PSMD11: variants seen among roughly 807,000 people sequenced by gnomAD.
The protein encoded by PSMD11 is 26S proteasome non-ATPase regulatory subunit 11.
A neutral mutation model predicts 62.3 loss-of-function variants in PSMD11; 5 were observed. The ratio of observed to expected loss-of-function variants is 0.08; its 90% CI spans 0.04 to 0.17. The LOEUF (loss-of-function observed/expected upper bound fraction) is 0.17. PSMD11 is among the 10% of genes least tolerant of loss of function. The pLI is 1.00. For synonymous variants in PSMD11, 191 were observed against 191.8 expected (o/e 1.00, Z 0.03); for missense variants, 310 against 512.9 (o/e 0.60, Z 3.82).
chr17:32,466,523 A>T (rs765706313), intron 5 of PSMD11, among the ~76,000 whole-genome samples: 1 of 152,220 alleles, frequency 6.6e-6, no homozygotes, highest in Non-Finnish European at 1.5e-5. Context: ...TTGCTGAATA[A>T]TAGTCAATTG....
At chr17:32,472,561 G>A (rs1373831040) in intron 6 of PSMD11, among the ~76,000 whole-genome samples, 1 of 147,206 alleles carries the variant, frequency 6.8e-6, no homozygotes, top group Non-Finnish European at 1.5e-5. Flanking sequence ...TTTTTAAGAC[G>A]GAGTCTCACT....
chr17:32,468,920 T>G, intron 5 of PSMD11, 79 bp from the exon 6 acceptor site: 27 of 1,243,522 alleles, frequency 2.2e-5, no homozygotes, highest in East Asian at 5.1e-5. Context: ...TAATCCTGAG[T>G]GTTATGAGGG....
intron 3 of PSMD11, among the ~76,000 whole-genome samples, chr17:32,456,076 G>A (rs1293033399): frequency 6.7e-6 from 1 of 150,008 alleles, no homozygotes; most frequent in African/African-American, 2.5e-5. Flanking sequence ...CCCGGGAGGC[G>A]GAGCTTGCAG....
chr17:32,461,276 A>C (rs574304738), intron 3 of PSMD11, among the ~76,000 whole-genome samples: 1 of 152,046 alleles, frequency 6.6e-6, no homozygotes, highest in East Asian at 1.9e-4. Context: ...ATGGGGTTTC[A>C]CTGTGTTGGC....
chr17:32,474,126 T>C (rs1908252079), intron 7 of PSMD11, 181 bp downstream of exon 7: 3 of 636,860 alleles, frequency 4.7e-6, no homozygotes, highest in Non-Finnish European at 8.1e-6. Flanking sequence ...TTTCGCTTGC[T>C]AGTCTTTCAG....
chr17:32,453,494 A>G (rs1907564161), intron 2 of PSMD11, among the ~76,000 whole-genome samples: 1 of 152,140 alleles, frequency 6.6e-6, no homozygotes. Context: ...TCTACTCTAT[A>G]TCAAGTTCTT....
chr17:32,473,688 A>T, intron 6 of PSMD11, 113 bp from the exon 7 acceptor site: 1 of 1,040,032 alleles, frequency 9.6e-7, no homozygotes, highest in Non-Finnish European at 1.4e-6. Flanking sequence ...GTGTGGATTT[A>T]CAGGTGTGAG....
intron 3 of PSMD11, among the ~76,000 whole-genome samples, chr17:32,456,007 G>A (rs995300642): frequency 1.3e-5 from 2 of 151,878 alleles, no homozygotes; most frequent in African/African-American, 4.8e-5. Context: ...AGCCAGGTGT[G>A]GTGGTGGGCG....
chr17:32,461,309 C>T (rs1425069030), intron 3 of PSMD11, among the ~76,000 whole-genome samples: 1 of 152,152 alleles, frequency 6.6e-6, no homozygotes, highest in Non-Finnish European at 1.5e-5. Flanking sequence ...GAACCCCTGA[C>T]CTCGTGATCC....
chr17:32,456,922 C>T (rs1907669929), intron 3 of PSMD11, among the ~76,000 whole-genome samples: 4 of 152,212 alleles, frequency 2.6e-5, no homozygotes, highest in Admixed American at 1.3e-4. Flanking sequence ...CCGCCTTGGC[C>T]TCCCAAAGTG....
chr17:32,451,706 T>G (rs950472815), intron 2 of PSMD11, among the ~76,000 whole-genome samples: 1 of 152,186 alleles, frequency 6.6e-6, no homozygotes, highest in Non-Finnish European at 1.5e-5. Flanking sequence ...TGTGAACAGA[T>G]TATTCCAAAT....
chr17:32,461,155 G>A (rs1165400735), intron 3 of PSMD11, among the ~76,000 whole-genome samples: 1 of 151,914 alleles, frequency 6.6e-6, no homozygotes, highest in African/African-American at 2.4e-5. Context: ...TCGGCTCACT[G>A]CAACTTCTGC....
intron 9 of PSMD11, among the ~76,000 whole-genome samples, chr17:32,478,702 C>G (rs1908399141): frequency 6.6e-6 from 1 of 152,170 alleles, no homozygotes; most frequent in African/African-American, 2.4e-5. Flanking sequence ...ATTTCCTATT[C>G]TTTAACCTCA....
intron 9 of PSMD11, 123 bp downstream of exon 9, chr17:32,477,706 T>G: frequency 1.2e-6 from 1 of 835,154 alleles, no homozygotes; most frequent in Non-Finnish European, 1.9e-6. Flanking sequence ...CCATGTATCC[T>G]TCACCTAGGA....
intron 6 of PSMD11, among the ~76,000 whole-genome samples, chr17:32,470,202 G>A (rs564038233): frequency 4.6e-5 from 7 of 151,788 alleles, no homozygotes; most frequent in African/African-American, 1.7e-4. Context: ...ATAGGGTTTC[G>A]CCATGTTGCC....
intron 6 of PSMD11, among the ~76,000 whole-genome samples, chr17:32,470,534 G>A (rs1354711449): frequency 6.6e-6 from 1 of 151,450 alleles, no homozygotes; most frequent in East Asian, 1.9e-4. Flanking sequence ...CTGGCTGCAC[G>A]CCTCTGCCTC....
chr17:32,469,703 G>GT (rs142620297), intron 6 of PSMD11, among the ~76,000 whole-genome samples: 55,461 of 148,798 alleles, frequency 0.37, 11,160 homozygotes, highest in Non-Finnish European at 0.46. Flanking sequence ...GTATTCAGCA[G>GT]TTTTTTTTTT....
At chr17:32,475,239 A>C (rs1320208360) in intron 8 of PSMD11, among the ~76,000 whole-genome samples, 1 of 152,132 alleles carries the variant, frequency 6.6e-6, no homozygotes, top group African/African-American at 2.4e-5. Context: ...TGCTTGGTGC[A>C]GAAACTAGGT....
rs1179573318 is a variant in PSMD11, at chr17:32,482,233, T to C, written c.*1481T>C. The C allele has an allele frequency of 6.6e-6, 1 of 152,216 alleles. No homozygotes were observed. The highest frequency in any genetic ancestry group is 1.5e-5 in the Non-Finnish European group (1 of 68,044). 9.4% of individuals were successfully genotyped at this position (152,216 alleles called of 1,614,324 possible). The stretch of plus-strand genomic sequence containing the variant: ...TTCCTCTCCAAAATCAGGTTTTTGT[T>C]CTCAACATCTTTCCCCATCATGTCT... On this transcript the variant is annotated 3_prime_UTR_variant, in exon 14 of 14. Coordinates refer to ENST00000261712, the MANE Select transcript of PSMD11 (RefSeq NM_002815.4).
Sources: gnomAD v4.1 joint callset for allele counts (sites outside exome capture counted in the v4.1 genomes callset) on GRCh38, gnomAD v4.1.1 for gene constraint, MANE v1.5 for transcripts, NCBI Gene and HGNC (gene_info 2026-07-23, HGNC 2026-07-21) for gene names.